Variants in AFG3L2 observed in about 807,000 individuals in gnomAD.
AFG3L2 encodes mitochondrial inner membrane m-AAA protease component AFG3L2.
AFG3L2 carries 54 observed loss-of-function variants against 94.5 expected under a neutral mutation model. That is an observed-to-expected ratio of 0.57 (90% confidence interval 0.46 to 0.72). The LOEUF is 0.72. AFG3L2 is among the 30% of genes least tolerant of loss of function. AFG3L2 has a pLI of 0.00. For missense variants in AFG3L2, 754 were observed against 994.9 expected (o/e 0.76, Z 3.26); for synonymous variants, 377 against 365.5 (o/e 1.03, Z -0.36).
rs773895356 is a variant in AFG3L2, at chr18:12,329,220, C to T, written c.*345G>A. On this transcript the variant is annotated 3_prime_UTR_variant, in exon 17 of 17. Coordinates refer to ENST00000269143, the MANE Select transcript of AFG3L2 (RefSeq NM_006796.3). ...CAAAGAGAAAGCATCCCTTCCCACA[C>T]GCCAAGAGTCCAGTGCAACGATCCC... The T allele has an allele frequency of 1.6e-5, 11 of 702,842 alleles. No homozygotes were observed. Among genetic ancestry groups the T allele is most frequent in the East Asian group, 8.0e-5 (3 of 37,282 alleles). 43.5% of individuals were successfully genotyped at this position (702,842 alleles called of 1,614,324 possible). A position where few individuals can be genotyped will look rare whatever the true frequency, so the allele number is the denominator to read the frequency against.
chr18:12,340,439 G>A, intron 14 of AFG3L2, 38 bp from the exon 15 acceptor site: 1 of 1,483,250 alleles, frequency 6.7e-7, no homozygotes, highest in Admixed American at 1.7e-5. Context: ...TCCTACTACA[G>A]ATGAAGACTT....
rs16977144 is a variant in AFG3L2, at chr18:12,366,938, C to T, written c.552+27G>A. The T allele has an allele frequency of 6.3e-3, 10,091 of 1,613,560 alleles. 532 individuals are homozygous for T. In the African/African-American group the frequency reaches 0.12, roughly 19 times the overall value. On this transcript the variant is annotated intron_variant, in intron 5 of 16. Transcript: ENST00000269143. ...GATGAATTTCACCTTTGAACCACAA[C>T]AGCCACCAATCCCATAAAATACTTA...
chr18:12,372,707 TCAAA>T (rs1412983370), intron 1 of AFG3L2, among the ~76,000 whole-genome samples: 35 of 150,192 alleles, frequency 2.3e-4, no homozygotes, highest in African/African-American at 8.0e-4. Context: ...TACCAGTCAC[TCAAA>T]CAAAGGAATG....
At chr18:12,337,272 C>G in intron 16 of AFG3L2, 69 bp downstream of exon 16, 1 of 1,405,226 alleles carries the variant, frequency 7.1e-7, no homozygotes, top group Non-Finnish European at 1.0e-6. Context: ...CCAACCAAAA[C>G]AGTCTATCTA....
rs556432963 is a variant in AFG3L2, at chr18:12,377,114, G to A, written c.-32C>T. On this transcript the variant is annotated 5_prime_UTR_variant, in exon 1 of 17. Transcript: ENST00000269143. ...CGCCGTGGCCCTCTCGGCCCGGGAC[G>A]CTGCGCAGGCGCGGGCAGGCGACGA... is the stretch of plus-strand genomic sequence containing the variant. 2,556 of 1,352,544 alleles carry A rather than the reference G, an allele frequency of 1.9e-3. 18 individuals carry two copies. The highest frequency in any genetic ancestry group is 9.6e-3 in the Middle Eastern group (36 of 3,734). 83.8% of individuals were successfully genotyped at this position (1,352,544 alleles called of 1,614,324 possible). A position where few individuals can be genotyped will look rare whatever the true frequency, so the allele number is the denominator to read the frequency against.
intron 2 of AFG3L2, among the ~76,000 whole-genome samples, chr18:12,371,347 A>G (rs1182039609): frequency 6.6e-6 from 1 of 152,044 alleles, no homozygotes. Flanking sequence ...AGCTAAAAGC[A>G]TAACATTTCT....
intron 13 of AFG3L2, 64 bp downstream of exon 13, chr18:12,348,209 G>A: frequency 7.1e-7 from 1 of 1,405,776 alleles, no homozygotes; most frequent in Non-Finnish European, 1.0e-6. Context: ...CCCAAACAGA[G>A]AAATCCCTGG....
chr18:12,358,644 A>G (rs772886101), intron 8 of AFG3L2, 26 bp downstream of exon 8: 1 of 1,608,518 alleles, frequency 6.2e-7, no homozygotes, highest in Non-Finnish European at 8.5e-7. Flanking sequence ...AACATTTCAA[A>G]AAGTTAATCT....
chr18:12,356,136 T>A (rs370283914), intron 9 of AFG3L2, among the ~76,000 whole-genome samples: 1 of 132,292 alleles, frequency 7.6e-6, no homozygotes, highest in African/African-American at 2.7e-5. Flanking sequence ...AAAAAAAAAA[T>A]CCACAAATAA....
chr18:12,347,556 T>A (rs1281883953), intron 13 of AFG3L2, among the ~76,000 whole-genome samples: 1 of 15,440 alleles, frequency 6.5e-5, no homozygotes, highest in Non-Finnish European at 3.0e-4. Flanking sequence ...TTATTATTAT[T>A]TTTTTTTTTT....
Position 12,371,039 on chromosome 18 carries a change from G to A in AFG3L2, c.215-113C>T, listed in dbSNP as rs146359975. On this transcript the variant is annotated intron_variant, in intron 2 of 16. Coordinates refer to ENST00000269143, the MANE Select transcript of AFG3L2 (RefSeq NM_006796.3). ...ACTGAAAAGCACAAGCTGGCCAGGC[G>A]CAATGGCTCATGCCTGTAATCCCAG... 1.9e-3 allele frequency: 1,214 copies of A among 643,968 alleles called. 9 individuals are homozygous for A. The highest frequency in any genetic ancestry group is 0.017 in the African/African-American group (949 of 54,388). The allele number at this position is 643,968 out of a possible 1,614,324, so 39.9% of individuals were successfully genotyped here.
intron 12 of AFG3L2, 128 bp from the exon 13 acceptor site, chr18:12,348,511 A>T (rs1908216218): frequency 2.6e-6 from 2 of 755,612 alleles, no homozygotes; most frequent in Non-Finnish European, 4.6e-6. Flanking sequence ...TTTTGTGTAA[A>T]TATAATTCTG....
intron 8 of AFG3L2, among the ~76,000 whole-genome samples, chr18:12,357,123 T>C (rs1013524999): frequency 6.6e-6 from 1 of 152,218 alleles, no homozygotes; most frequent in African/African-American, 2.4e-5. Context: ...AAGGGTGACT[T>C]GGGCTAGGAA....
Position 12,359,848 on chromosome 18 carries a change from G to A in AFG3L2, c.752+79C>T. 3 of 1,543,546 alleles carry A rather than the reference G, an allele frequency of 1.9e-6. No individual in the cohort carries two copies. In the Admixed American group the frequency reaches 5.0e-5, roughly 26 times the overall value. On this transcript the variant is annotated intron_variant, in intron 7 of 16. Coordinates refer to ENST00000269143, the MANE Select transcript of AFG3L2 (RefSeq NM_006796.3). ...GGCCTGTTTGAGAATATAATGTATA[G>A]CCCTGCACCCAGGGACAGAACACAG...
chr18:12,338,096 A>G (rs1907812767), intron 15 of AFG3L2, among the ~76,000 whole-genome samples: 1 of 152,128 alleles, frequency 6.6e-6, no homozygotes, highest in Non-Finnish European at 1.5e-5. Flanking sequence ...GTTTTGAGAC[A>G]GGGTCTTGTT....
chr18:12,370,783 G>A, intron 3 of AFG3L2, 66 bp downstream of exon 3: 1 of 1,087,770 alleles, frequency 9.2e-7, no homozygotes, highest in Non-Finnish European at 1.4e-6. Flanking sequence ...TTTGTTCAGT[G>A]GAAACTACCA....
rs139464627 is a variant in AFG3L2 at position 12,344,840 on chromosome 18, T to G, written c.1664-593A>C. ...TGCTTTCACCCTAACTCTCTCACTT[T>G]TAAGCCACACACCCTGTGTTTTGGG... On this transcript the variant is annotated intron_variant, in intron 13 of 16. Transcript: ENST00000269143. Among the ~76,000 whole-genome samples the G allele has an allele frequency of 9.6e-4, 146 of 152,262 alleles. 1 individual carries two copies. The highest frequency in any genetic ancestry group is 3.4e-3 in the African/African-American group (142 of 41,542).
intron 10 of AFG3L2, 120 bp downstream of exon 10, chr18:12,352,885 T>C: frequency 7.3e-7 from 1 of 1,376,470 alleles, no homozygotes; most frequent in South Asian, 1.2e-5. Flanking sequence ...AACCCAGGGG[T>C]CAGAGGATGC....
intron 5 of AFG3L2, among the ~76,000 whole-genome samples, chr18:12,365,099 A>G (rs1908766476): frequency 6.6e-6 from 1 of 152,230 alleles, no homozygotes; most frequent in Non-Finnish European, 1.5e-5. Context: ...GAAGGCAAGA[A>G]TGACAAACAA....
Sources: gnomAD v4.1 joint callset for allele counts (sites outside exome capture counted in the v4.1 genomes callset) on GRCh38, gnomAD v4.1.1 for gene constraint, MANE v1.5 for transcripts, NCBI Gene and HGNC (gene_info 2026-07-23, HGNC 2026-07-21) for gene names.